The following MAP4K4 variants were observed in gnomAD, a reference collection of about 807,000 sequenced individuals.
MAP4K4 encodes HPK/GCK-like kinase HGK.
Under a neutral mutation model 189.6 loss-of-function variants are expected in MAP4K4, and 38 were observed. That is an observed-to-expected ratio of 0.20 (90% CI 0.15 to 0.26). MAP4K4 has a LOEUF of 0.26. Among genes scored for constraint, MAP4K4 ranks in the 10% least tolerant of loss-of-function variants. The pLI is 1.00. For synonymous variants in MAP4K4, 610 were observed against 624.3 expected (o/e 0.98, Z 0.34); for missense variants, 1,054 against 1,726.9 (o/e 0.61, Z 6.91).
At position 101,712,618 on chromosome 2, in the gene MAP4K4, A is replaced by G. The variant is rs191954994; in HGVS notation, c.123+14080A>G. Among the ~76,000 whole-genome samples the G allele has an allele frequency of 6.7e-3, 1,014 of 151,054 alleles. 7 individuals carry two copies. The highest frequency in any genetic ancestry group is 0.014 in the South Asian group (68 of 4,762). ...AGGTTCAAGTGATTCTTGTGCCTCA[A>G]CCTCCTGAGTAGCTGGGATTACAGG... On this transcript the variant is annotated intron_variant, in intron 2 of 32. Transcript: ENST00000324219.
At chr2:101,785,706 C>CTTTTCCTTTTTTTAGT (rs1558914088) in intron 2 of MAP4K4, among the ~76,000 whole-genome samples, 1 of 5,266 alleles carries the variant, frequency 1.9e-4, no homozygotes, top group South Asian at 8.1e-3. Context: ...CTCTCTCTCT[C>CTTTTCCTTTTTTTAGT]TCTCTCTCTC....
chr2:101,885,210 C>A (rs1158314222), exon 29 of MAP4K4: 1 of 1,602,844 alleles, frequency 6.2e-7, no homozygotes, highest in East Asian at 2.2e-5. Flanking sequence ...AATCAAATTT[C>A]TGGTGATTGC....
intron 2 of MAP4K4, among the ~76,000 whole-genome samples, chr2:101,789,268 C>G (rs1463665531): frequency 2.0e-5 from 3 of 152,184 alleles, no homozygotes; most frequent in Non-Finnish European, 2.9e-5. Flanking sequence ...TCTACTCTTT[C>G]TCCTTGGGTT....
At chr2:101,750,910 G>A (rs2068567973) in intron 2 of MAP4K4, among the ~76,000 whole-genome samples, 1 of 151,782 alleles carries the variant, frequency 6.6e-6, no homozygotes, top group Non-Finnish European at 1.5e-5. Context: ...TCAAGATTGT[G>A]TATTCAGATA....
chr2:101,817,129 A>G (rs561331574), intron 3 of MAP4K4, among the ~76,000 whole-genome samples: 1 of 152,080 alleles, frequency 6.6e-6, no homozygotes, highest in Non-Finnish European at 1.5e-5. Flanking sequence ...ACTAAGTACT[A>G]ATATGAACTA....
chr2:101,761,584 T>C (rs1229460694), intron 2 of MAP4K4, among the ~76,000 whole-genome samples: 2 of 149,560 alleles, frequency 1.3e-5, no homozygotes, highest in Non-Finnish European at 3.0e-5. Flanking sequence ...AGACGAAGTC[T>C]CTCTCACTCT....
chr2:101,733,547 G>C (rs1447680060), intron 2 of MAP4K4, among the ~76,000 whole-genome samples: 1 of 152,214 alleles, frequency 6.6e-6, no homozygotes, highest in African/African-American at 2.4e-5. Context: ...GAAATTGAAG[G>C]AGAAGAGAAG....
intron 6 of MAP4K4, among the ~76,000 whole-genome samples, chr2:101,830,369 AG>A (rs2096560145): frequency 1.3e-5 from 2 of 152,134 alleles, no homozygotes. Context: ...GTTACTCACA[AG>A]GGTTCTTTTA....
At chr2:101,771,126 A>G (rs908350332) in intron 2 of MAP4K4, among the ~76,000 whole-genome samples, 3 of 152,210 alleles carry the variant, frequency 2.0e-5, no homozygotes, top group Non-Finnish European at 2.9e-5. Context: ...TGATTTTATC[A>G]TACTGAGCTC....
chr2:101,857,723 A>AC (rs1190868051), intron 13 of MAP4K4, among the ~76,000 whole-genome samples: 6 of 150,496 alleles, frequency 4.0e-5, no homozygotes, highest in African/African-American at 7.3e-5. Flanking sequence ...CTCTGCCCAC[A>AC]CCCCCCCAGT....
intron 2 of MAP4K4, among the ~76,000 whole-genome samples, chr2:101,733,989 T>C (rs1166317755): frequency 1.3e-5 from 2 of 152,218 alleles, no homozygotes; most frequent in Non-Finnish European, 2.9e-5. Flanking sequence ...CCTATCACAC[T>C]ATGTGGCACC....
At chr2:101,832,760 T>C (rs2096626327) in intron 7 of MAP4K4, among the ~76,000 whole-genome samples, 1 of 152,212 alleles carries the variant, frequency 6.6e-6, no homozygotes, top group Non-Finnish European at 1.5e-5. Flanking sequence ...TTTGGTTATT[T>C]AGTCTCTTTT....
At chr2:101,886,523 T>A (rs1418016364) in intron 29 of MAP4K4, among the ~76,000 whole-genome samples, 1 of 152,198 alleles carries the variant, frequency 6.6e-6, no homozygotes, top group Non-Finnish European at 1.5e-5. Context: ...GATTTTCTGA[T>A]CAAGGCAGCC....
rs546158864 is a variant in MAP4K4 at position 101,801,583 on chromosome 2, C to T, written c.180+10807C>T. ...TTCCAAAAGGAAAACAGGTGTTTGG[C>T]GTAAACTGCATTCTAGGTACAGTGA... On this transcript the variant is annotated intron_variant, in intron 3 of 32. Coordinates refer to ENST00000324219, the Ensembl canonical transcript of MAP4K4. Among the ~76,000 whole-genome samples, 15 of 152,254 alleles carry T rather than the reference C, an allele frequency of 9.9e-5. No individual in the cohort carries two copies. In the Middle Eastern group the frequency reaches 0.017, roughly 173 times the overall value.
chr2:101,757,801 C>G (rs2073681889), intron 2 of MAP4K4, among the ~76,000 whole-genome samples: 1 of 152,216 alleles, frequency 6.6e-6, no homozygotes, highest in South Asian at 2.1e-4. Context: ...GAGTGGATCG[C>G]TTGGGGCCAG....
At chr2:101,849,764 T>A (rs957998190) in intron 12 of MAP4K4, among the ~76,000 whole-genome samples, 4 of 152,056 alleles carry the variant, frequency 2.6e-5, no homozygotes, top group Admixed American at 2.0e-4. Flanking sequence ...GCATGATGGC[T>A]TACATCTGTA....
intron 16 of MAP4K4, among the ~76,000 whole-genome samples, chr2:101,863,029 G>T (rs1248151886): frequency 2.0e-5 from 3 of 152,054 alleles, no homozygotes; most frequent in African/African-American, 7.2e-5. Flanking sequence ...TTTTTTCAGA[G>T]ATCATTTTCC....
chr2:101,821,869 T>A (rs2149308794), intron 3 of MAP4K4, among the ~76,000 whole-genome samples: 1 of 152,368 alleles, frequency 6.6e-6, no homozygotes, highest in South Asian at 2.1e-4. Flanking sequence ...TTTTTAAATA[T>A]CTTTGTAAGC....
chr2:101,743,461 C>T (rs4384813), intron 2 of MAP4K4, among the ~76,000 whole-genome samples: 30,030 of 151,964 alleles, frequency 0.2, 6,524 homozygotes, highest in African/African-American at 0.55. Flanking sequence ...AACAGCCATC[C>T]TTTTCAGTTA....
Sources: allele counts gnomAD v4.1 joint callset (sites outside exome capture counted in the v4.1 genomes callset), GRCh38; gene constraint gnomAD v4.1.1; transcripts MANE v1.5; gene names NCBI Gene and HGNC (gene_info 2026-07-23, HGNC 2026-07-21).